Variants in DBH observed in about 807,000 individuals in gnomAD.
The protein encoded by DBH is dopamine beta-hydroxylase.
DBH carries 49 observed loss-of-function variants against 64.0 expected under a neutral mutation model. The ratio of observed to expected loss-of-function variants is 0.77; its 90% CI spans 0.61 to 0.97. The LOEUF is 0.97. Among genes scored for constraint, DBH ranks in the 50% least tolerant of loss-of-function variants. DBH has a pLI of 0.00. For missense variants in DBH, 828 were observed against 826.6 expected, an observed-to-expected ratio of 1.00 and a Z score of -0.02; for synonymous variants, 343 against 347.1, an observed-to-expected ratio of 0.99 and a Z score of 0.13.
intron 8 of DBH, among the ~76,000 whole-genome samples, chr9:133,652,632 G>T (rs949731215): frequency 4.8e-4 from 73 of 152,178 alleles, no homozygotes; most frequent in Non-Finnish European, 1.9e-4. Flanking sequence ...CCAAGCCCAG[G>T]CCTCGGTGGG....
At chr9:133,652,200 T>A in intron 7 of DBH, 46 bp from the exon 8 acceptor site, 1 of 1,611,876 alleles carries the variant, frequency 6.2e-7, no homozygotes, top group Non-Finnish European at 8.5e-7. Flanking sequence ...GGTCTGCAGC[T>A]CTCTGAGGTC....
chr9:133,638,854 C>T (rs1200645419), intron 1 of DBH, among the ~76,000 whole-genome samples: 3 of 152,190 alleles, frequency 2.0e-5, no homozygotes, highest in Non-Finnish European at 4.4e-5. Flanking sequence ...TCCTCGCTGT[C>T]TCTCAGTGGG....
At chr9:133,640,213 G>A (rs893870797) in intron 2 of DBH, among the ~76,000 whole-genome samples, 2 of 152,234 alleles carry the variant, frequency 1.3e-5, no homozygotes, top group East Asian at 1.9e-4. Context: ...CCTCAAAGAC[G>A]CAGCTCTTTG....
At chr9:133,652,870 G>A in intron 8 of DBH, 70 bp from the exon 9 acceptor site, 1 of 1,108,176 alleles carries the variant, frequency 9.0e-7, no homozygotes, top group Non-Finnish European at 1.4e-6. Context: ...GTGGTCCTAT[G>A]GGGGCGAGGC....
At chr9:133,640,331 A>T (rs1438592434) in intron 2 of DBH, among the ~76,000 whole-genome samples, 1 of 152,192 alleles carries the variant, frequency 6.6e-6, no homozygotes, top group Middle Eastern at 3.2e-3. Flanking sequence ...CCTGTTAACC[A>T]TCAGGTGGGA....
chr9:133,647,038 C>T (rs549156899), intron 5 of DBH, among the ~76,000 whole-genome samples: 92 of 152,292 alleles, frequency 6.0e-4, no homozygotes, highest in African/African-American at 2.1e-3. Context: ...GACAGCAAGT[C>T]ATCTGAGAGC....
chr9:133,642,867 T>C (rs1832133466), intron 3 of DBH, among the ~76,000 whole-genome samples: 1 of 152,182 alleles, frequency 6.6e-6, no homozygotes, highest in South Asian at 2.1e-4. Context: ...CTGTCGAGTG[T>C]CCACTATGCC....
At chr9:133,657,677 A>T (rs978059140) in intron 11 of DBH, among the ~76,000 whole-genome samples, 2 of 151,492 alleles carry the variant, frequency 1.3e-5, no homozygotes, top group African/African-American at 4.9e-5. Context: ...GTAAGAAACG[A>T]ACCAGTCTGA....
rs1475124352 is a variant in DBH, at chr9:133,642,348, G to C, written c.628G>C (p.Asp210His). ...PNIPEPELPS[D>H]ACTMEVQAPN... ...TATCCCCGAACCGGAGTTGCCCTCA[G>C]ACGCGTGCACCATGGAGGTCCAAGC... is the stretch of plus-strand genomic sequence containing the variant. The change falls in exon 3 of 12, where the codon GAC (aspartate) becomes CAC (histidine). Residue 210 changes from aspartate (D) to histidine (H), a missense_variant. Transcript: ENST00000393056. The C allele has an allele frequency of 6.2e-7, 1 of 1,614,044 alleles. No individual in the cohort carries two copies. The highest frequency in any genetic ancestry group is 8.5e-7 in the Non-Finnish European group (1 of 1,180,028).
chr9:133,637,133 G>A (rs767062959), intron 1 of DBH, among the ~76,000 whole-genome samples: 5 of 152,218 alleles, frequency 3.3e-5, no homozygotes, highest in African/African-American at 4.8e-5. Flanking sequence ...GTGGTGGCGC[G>A]TGGCTGGGCA....
chr9:133,658,254 G>C, intron 11 of DBH, 62 bp from the exon 12 acceptor site: 2 of 1,600,174 alleles, frequency 1.2e-6, no homozygotes, highest in Non-Finnish European at 1.7e-6. Flanking sequence ...GAAGTGGCTG[G>C]GGAAGCAGCC....
At chr9:133,644,912 C>A (rs1266690182) in intron 5 of DBH, among the ~76,000 whole-genome samples, 1 of 151,944 alleles carries the variant, frequency 6.6e-6, no homozygotes, top group Non-Finnish European at 1.5e-5. Context: ...GCACCAGCAT[C>A]TTTCACCATA....
chr9:133,639,781 T>C, intron 1 of DBH, 65 bp from the exon 2 acceptor site: 1 of 1,541,420 alleles, frequency 6.5e-7, no homozygotes, highest in South Asian at 1.2e-5. Context: ...GGGAATGCCC[T>C]CTTCCCCTGT....
chr9:133,656,701 A>G, intron 10 of DBH, 51 bp downstream of exon 10: 1 of 1,603,936 alleles, frequency 6.2e-7, no homozygotes, highest in Non-Finnish European at 8.5e-7. Flanking sequence ...CCGACACAGA[A>G]CCTCGGGCCT....
rs765091080 is a variant in DBH at position 133,656,498 on chromosome 9, C to T, written c.1435-25C>T. 2.5e-6 allele frequency: 4 copies of T among 1,613,392 alleles called. No homozygotes were observed. The African/African-American group carries it at 5.3e-5, about 22-fold the overall frequency. ...AGCGTCTGCGTGGCATGGCCCGGGG[C>T]TGACGGGTCTCCTCCAACTTGCAGG... is the stretch of plus-strand genomic sequence containing the variant. On this transcript the variant is annotated intron_variant, in intron 9 of 11. Transcript: ENST00000393056.
At chr9:133,644,366 C>A in intron 5 of DBH, 46 bp downstream of exon 5, 1 of 1,495,388 alleles carries the variant, frequency 6.7e-7, no homozygotes, top group Non-Finnish European at 9.3e-7. Flanking sequence ...TAGGACTCAG[C>A]TGTGTTGAGC....
In DBH at chr9:133,647,904, C is replaced by T. The variant is rs201759717; in HGVS notation, c.1083C>T (p.Asn361=). 1.6e-5 allele frequency: 26 copies of T among 1,614,228 alleles called. No individual in the cohort carries two copies. Among genetic ancestry groups the T allele is most frequent in the South Asian group, 7.7e-5 (7 of 91,086 alleles). ...LYYTAKLRRF[N]AGIMELGLVY... is the part of the protein sequence containing the mutation. ...ACACAGCCAAGCTGCGGCGCTTCAA[C>T]GCGGGGATCATGGAGCTGGGACTGG... The change falls in exon 6 of 12, where the codon AAC becomes AAT. Residue 361 remains asparagine (N), a synonymous_variant. Transcript: ENST00000393056.
chr9:133,657,444 A>AGAGAGGGAGAGGGAGAGAGGGAGAGG (rs1588355495), intron 11 of DBH: 1 of 386,882 alleles, frequency 2.6e-6, no homozygotes. Flanking sequence ...GAGAGAGAGG[A>AGAGAGGGAGAGGGAGAGAGGGAGAGG]GAGAGAGGAG....
At chr9:133,652,895 A>G (rs771538882) in intron 8 of DBH, 45 bp from the exon 9 acceptor site, 3 of 1,512,576 alleles carry the variant, frequency 2.0e-6, no homozygotes, top group Middle Eastern at 3.7e-4. Context: ...AGCACCTGCC[A>G]ACGCCAGGTG....
Sources: gnomAD v4.1 joint callset for allele counts (sites outside exome capture counted in the v4.1 genomes callset) on GRCh38, gnomAD v4.1.1 for gene constraint, MANE v1.5 for transcripts, NCBI Gene and HGNC (gene_info 2026-07-23, HGNC 2026-07-21) for gene names.